The following SMYD2 variants were observed in gnomAD, a reference collection of about 807,000 sequenced individuals.
The protein encoded by SMYD2 is SET and MYND domain containing 2.
SMYD2 carries 53 observed loss-of-function variants against 59.1 expected under a neutral mutation model. The observed-to-expected ratio is 0.90, with a 90% CI of 0.72 to 1.13. The LOEUF (loss-of-function observed/expected upper bound fraction) is 1.13. Ranked by LOEUF, SMYD2 falls within the 50% of genes most tolerant of loss-of-function variation. The pLI, the probability that SMYD2 is intolerant of heterozygous loss-of-function variation, is 0.00. For synonymous variants in SMYD2, 208 were observed against 198.8 expected (o/e 1.05, Z -0.39); for missense variants, 494 against 544.7 (o/e 0.91, Z 0.93).
chr1:214,289,676 A>G (rs1656606470), intron 1 of SMYD2, among the ~76,000 whole-genome samples: 1 of 152,210 alleles, frequency 6.6e-6, no homozygotes, highest in Admixed American at 6.5e-5. Flanking sequence ...AGGGAACTAG[A>G]CACACCTAGA....
intron 11 of SMYD2, among the ~76,000 whole-genome samples, chr1:214,334,705 A>T (rs1657409492): frequency 6.6e-6 from 1 of 152,246 alleles, no homozygotes; most frequent in South Asian, 2.1e-4. Context: ...GCTGTTTCTA[A>T]AATGCACTTA....
chr1:214,315,694 T>C (rs1657075138), intron 3 of SMYD2, among the ~76,000 whole-genome samples: 1 of 152,172 alleles, frequency 6.6e-6, no homozygotes, highest in Non-Finnish European at 1.5e-5. Flanking sequence ...CCCTGCACCA[T>C]TACCCACCAG....
chr1:214,323,799 G>T (rs1345599075), intron 5 of SMYD2, among the ~76,000 whole-genome samples: 1 of 152,190 alleles, frequency 6.6e-6, no homozygotes, highest in Non-Finnish European at 1.5e-5. Flanking sequence ...AGACTTGAAA[G>T]GCAAGGTCTC....
chr1:214,328,948 G>C (rs943200260), intron 7 of SMYD2, among the ~76,000 whole-genome samples: 1 of 152,230 alleles, frequency 6.6e-6, no homozygotes, highest in Non-Finnish European at 1.5e-5. Context: ...GAGATGAGCA[G>C]GTTGTCACCT....
chr1:214,335,625 C>G (rs1001911603), intron 11 of SMYD2, among the ~76,000 whole-genome samples: 7 of 152,196 alleles, frequency 4.6e-5, no homozygotes, highest in Non-Finnish European at 7.3e-5. Flanking sequence ...AGAGCAAATA[C>G]ATTCTTAGAG....
At chr1:214,305,601 G>C (rs1656904695) in intron 2 of SMYD2, among the ~76,000 whole-genome samples, 1 of 152,178 alleles carries the variant, frequency 6.6e-6, no homozygotes, top group African/African-American at 2.4e-5. Context: ...TTTTATTGTT[G>C]TATTTTTATA....
chr1:214,301,769 TA>T (rs56102481), intron 1 of SMYD2, among the ~76,000 whole-genome samples: 25 of 133,346 alleles, frequency 1.9e-4, no homozygotes, highest in Admixed American at 3.0e-4. Flanking sequence ...TCTTTCAAGT[TA>T]AAAAAAAAAA....
chr1:214,294,039 T>A (rs891266019), intron 1 of SMYD2, among the ~76,000 whole-genome samples: 1 of 152,154 alleles, frequency 6.6e-6, no homozygotes, highest in Non-Finnish European at 1.5e-5. Flanking sequence ...AGTACTTTTG[T>A]ACCTAGCAAA....
Position 214,281,260 on chromosome 1 carries a change from G to A in SMYD2, c.6G>A (p.Arg2=). The change falls in exon 1 of 12, where the codon AGG becomes AGA. Residue 2 remains arginine (R), a synonymous_variant. Transcript: ENST00000366957. M[R]AEGLGGLERF... is the part of the protein sequence containing the mutation. The stretch of plus-strand genomic sequence containing the variant: ...GGCCGCGCCCCGCCGCCACCATGAG[G>A]GCCGAGGGCCTCGGCGGCCTGGAGC... 8.0e-7 allele frequency: 1 copy of A among 1,254,380 alleles called. No homozygotes were observed. The highest frequency in any genetic ancestry group is 1.6e-5 in the African/African-American group (1 of 64,122). The allele number at this position is 1,254,380 out of a possible 1,614,324, so 77.7% of individuals were successfully genotyped here.
chr1:214,325,773 C>CTTT lies in SMYD2; in HGVS notation c.602+1086_602+1088dup, dbSNP rs59821609. The stretch of plus-strand genomic sequence containing the variant: ...GGAATTCTGGAAGTGAGGAAAGAAG[C>CTTT]TTTTTTTTTTTTTTTTTTTTTTTAA... On this transcript the variant is annotated intron_variant, in intron 6 of 11. Coordinates refer to ENST00000366957, the MANE Select transcript of SMYD2 (RefSeq NM_020197.3). Among the ~76,000 whole-genome samples, 80 of 118,742 alleles carry CTTT rather than the reference C, an allele frequency of 6.7e-4. 1 individual carries two copies. The highest frequency in any genetic ancestry group is 7.9e-4 in the Non-Finnish European group (47 of 59,808). The allele number at this position is 118,742 out of a possible 152,430, so 77.9% of individuals were successfully genotyped here. A position where few individuals can be genotyped will look rare whatever the true frequency, so the allele number is the denominator to read the frequency against.
rs376112102 is a variant in SMYD2, at chr1:214,285,653, A to G, written c.173+4226A>G. On this transcript the variant is annotated intron_variant, in intron 1 of 11. Coordinates refer to ENST00000366957, the MANE Select transcript of SMYD2 (RefSeq NM_020197.3). ...AGCTATCTGTATGTTAGGTAAGGAA[A>G]TGGCTGTTTTCACTTTCCACCTTTC... Among the ~76,000 whole-genome samples, 183 of 152,302 alleles carry G rather than the reference A, an allele frequency of 1.2e-3. 4 individuals carry two copies. The South Asian group carries it at 0.035, about 29-fold the overall frequency.
intron 6 of SMYD2, among the ~76,000 whole-genome samples, chr1:214,326,529 C>T (rs905225384): frequency 2.6e-5 from 4 of 152,102 alleles, no homozygotes; most frequent in African/African-American, 9.7e-5. Context: ...CCAAGTGGGC[C>T]TTGGTGCAGT....
chr1:214,302,774 G>T (rs894001396), intron 1 of SMYD2, among the ~76,000 whole-genome samples: 2 of 152,164 alleles, frequency 1.3e-5, no homozygotes, highest in Non-Finnish European at 2.9e-5. Context: ...GGGATGTTAC[G>T]TGGAGACTGC....
chr1:214,315,935 A>G (rs555472580), intron 3 of SMYD2, among the ~76,000 whole-genome samples: 87 of 152,332 alleles, frequency 5.7e-4, no homozygotes, highest in Non-Finnish European at 1.1e-3. Context: ...TGCTTTAGCC[A>G]CCGTACTGAC....
At chr1:214,282,794 A>C (rs1234015841) in intron 1 of SMYD2, among the ~76,000 whole-genome samples, 1 of 152,140 alleles carries the variant, frequency 6.6e-6, no homozygotes, top group Non-Finnish European at 1.5e-5. Context: ...TTGGTGAGCC[A>C]AGAGCTAAAG....
chr1:214,290,509 G>A (rs1656618840), intron 1 of SMYD2, among the ~76,000 whole-genome samples: 1 of 152,184 alleles, frequency 6.6e-6, no homozygotes, highest in African/African-American at 2.4e-5. Context: ...ATAGTCCCTA[G>A]AGATAAAAAT....
At chr1:214,291,362 T>C (rs1486615951) in intron 1 of SMYD2, among the ~76,000 whole-genome samples, 1 of 152,194 alleles carries the variant, frequency 6.6e-6, no homozygotes, top group African/African-American at 2.4e-5. Context: ...TTTAACCATG[T>C]TGGGACTCAG....
At chr1:214,302,281 G>T (rs574704167) in intron 1 of SMYD2, among the ~76,000 whole-genome samples, 76 of 151,352 alleles carry the variant, frequency 5.0e-4, no homozygotes, top group African/African-American at 1.8e-3. Flanking sequence ...GGAGGCTGCA[G>T]TGAGCCAAGA....
intron 1 of SMYD2, among the ~76,000 whole-genome samples, chr1:214,284,487 C>T (rs772571037): frequency 2.7e-5 from 4 of 150,422 alleles, no homozygotes; most frequent in Admixed American, 1.3e-4. Flanking sequence ...CTCAAACTCC[C>T]GGCCTCCCAA....
Sources: gnomAD v4.1 joint callset for allele counts (sites outside exome capture counted in the v4.1 genomes callset) on GRCh38, gnomAD v4.1.1 for gene constraint, MANE v1.5 for transcripts, NCBI Gene and HGNC (gene_info 2026-07-23, HGNC 2026-07-21) for gene names.